The following PRKCA variants were observed in gnomAD, a reference collection of about 807,000 sequenced individuals.
PRKCA encodes protein kinase C alpha type.
A neutral mutation model predicts 87.0 loss-of-function variants in PRKCA; 27 were observed. The observed-to-expected ratio is 0.31, with a 90% CI of 0.23 to 0.43. The LOEUF (loss-of-function observed/expected upper bound fraction) is 0.43, where lower values mean the gene tolerates loss of function less well. PRKCA is among the 20% of genes least tolerant of loss of function. The pLI is 1.00. For missense variants in PRKCA, 518 were observed against 852.3 expected, an observed-to-expected ratio of 0.61 and a Z score of 4.88; for synonymous variants, 329 against 311.1, an observed-to-expected ratio of 1.06 and a Z score of -0.61.
chr17:66,708,539 G>A (rs561359254), intron 8 of PRKCA, among the ~76,000 whole-genome samples: 40 of 152,274 alleles, frequency 2.6e-4, no homozygotes, highest in African/African-American at 7.9e-4. Context: ...AGTGGCTGCC[G>A]GAAGGCTGTG....
intron 8 of PRKCA, among the ~76,000 whole-genome samples, chr17:66,711,901 A>G (rs963027593): frequency 1.3e-4 from 20 of 152,230 alleles, no homozygotes; most frequent in African/African-American, 4.8e-4. Context: ...ACCTAGAGAT[A>G]CTGGAAATGA....
intron 2 of PRKCA, among the ~76,000 whole-genome samples, chr17:66,319,447 G>A (rs564518539): frequency 8.4e-4 from 128 of 152,170 alleles, no homozygotes; most frequent in Admixed American, 2.0e-3. Flanking sequence ...TATGAAGCAC[G>A]TTATTAACTT....
intron 5 of PRKCA, among the ~76,000 whole-genome samples, chr17:66,660,721 C>T (rs1171286549): frequency 6.6e-6 from 1 of 151,904 alleles, no homozygotes; most frequent in African/African-American, 2.4e-5. Flanking sequence ...AAACCTGTCT[C>T]TACTAAAAAA....
At chr17:66,678,718 A>G (rs1567971637) in intron 5 of PRKCA, among the ~76,000 whole-genome samples, 1 of 151,108 alleles carries the variant, frequency 6.6e-6, no homozygotes, top group Non-Finnish European at 1.5e-5. Flanking sequence ...CGTAGTATGC[A>G]CACCACTGTC....
chr17:66,589,611 G>A (rs1488934386), intron 3 of PRKCA, among the ~76,000 whole-genome samples: 1 of 152,204 alleles, frequency 6.6e-6, no homozygotes, highest in Non-Finnish European at 1.5e-5. Context: ...CAGGGTGAAA[G>A]TTACACTGAT....
chr17:66,802,073 TAGTC>T (rs1391158153), intron 16 of PRKCA, among the ~76,000 whole-genome samples: 2 of 151,768 alleles, frequency 1.3e-5, no homozygotes, highest in Admixed American at 1.3e-4. Context: ...ATGCAAAAAA[TAGTC>T]AGGTGTGGTG....
chr17:66,360,624 C>T (rs1284722674), intron 2 of PRKCA, among the ~76,000 whole-genome samples: 3 of 152,098 alleles, frequency 2.0e-5, no homozygotes, highest in Admixed American at 1.3e-4. Context: ...ACAAGCTCTT[C>T]GATTTCAGGT....
At chr17:66,701,226 G>A (rs565184881) in intron 8 of PRKCA, among the ~76,000 whole-genome samples, 1 of 152,234 alleles carries the variant, frequency 6.6e-6, no homozygotes, top group South Asian at 2.1e-4. Flanking sequence ...AAGGTGTTGG[G>A]AAAACTGGAT....
Position 66,374,474 on chromosome 17 carries a change from G to A in PRKCA, c.205+68347G>A, listed in dbSNP as rs138060497. On this transcript the variant is annotated intron_variant, in intron 2 of 16. Transcript: ENST00000413366. ...GCTGCTTACAGGGCCTCATGCTGGC[G>A]TCACCATGGCATCAGCCCAGCCTAG... 1.9e-3 allele frequency among the ~76,000 whole-genome samples: 293 copies of A among 152,256 alleles called. 2 individuals carry two copies. The highest frequency in any genetic ancestry group is 6.2e-3 in the African/African-American group (258 of 41,552).
intron 2 of PRKCA, among the ~76,000 whole-genome samples, chr17:66,319,556 G>C (rs1315980538): frequency 2.6e-5 from 4 of 151,706 alleles, no homozygotes; most frequent in Non-Finnish European, 5.9e-5. Context: ...CTTATATGGA[G>C]ACTTTTTCTT....
At chr17:66,470,019 C>T (rs951686768) in intron 2 of PRKCA, among the ~76,000 whole-genome samples, 1 of 151,754 alleles carries the variant, frequency 6.6e-6, no homozygotes, top group Non-Finnish European at 1.5e-5. Flanking sequence ...AATATGTGTC[C>T]GTTGTGGCAT....
At chr17:66,603,261 C>G (rs1970107988) in intron 3 of PRKCA, among the ~76,000 whole-genome samples, 1 of 152,126 alleles carries the variant, frequency 6.6e-6, no homozygotes, top group Non-Finnish European at 1.5e-5. Context: ...GGCCCCCAGC[C>G]CTTTCCTGAA....
At chr17:66,413,547 C>T (rs1441998448) in intron 2 of PRKCA, among the ~76,000 whole-genome samples, 1 of 152,186 alleles carries the variant, frequency 6.6e-6, no homozygotes, top group African/African-American at 2.4e-5. Flanking sequence ...CAACCAGCCA[C>T]CTACGCATCA....
intron 2 of PRKCA, among the ~76,000 whole-genome samples, chr17:66,473,625 A>T (rs1915419492): frequency 6.6e-6 from 1 of 152,156 alleles, no homozygotes; most frequent in Non-Finnish European, 1.5e-5. Flanking sequence ...ACTATTAAGG[A>T]GTATAGTGTC....
At chr17:66,692,655 C>T (rs551488936) in intron 8 of PRKCA, among the ~76,000 whole-genome samples, 83 of 152,272 alleles carry the variant, frequency 5.5e-4, no homozygotes, top group African/African-American at 1.8e-3. Flanking sequence ...TCCTCCTTTT[C>T]GGTCTGTAGC....
At chr17:66,506,392 A>G (rs1216988620) in intron 3 of PRKCA, among the ~76,000 whole-genome samples, 2 of 152,276 alleles carry the variant, frequency 1.3e-5, no homozygotes, top group East Asian at 3.9e-4. Context: ...CTTAATGATC[A>G]TATTTACACA....
In PRKCA at chr17:66,476,323, C is replaced by T. The variant is rs556801453; in HGVS notation, c.206-19878C>T. On this transcript the variant is annotated intron_variant, in intron 2 of 16. Coordinates refer to ENST00000413366, the MANE Select transcript of PRKCA (RefSeq NM_002737.3). ...TTGAAGAGGAGATGGCGGGCCCAAG[C>T]TCTGCAAGCCTGGTGCTTGGGGGCA... Among the ~76,000 whole-genome samples, 5 of 152,326 alleles carry T rather than the reference C, an allele frequency of 3.3e-5. No homozygotes were observed. The East Asian group carries it at 9.6e-4, about 29-fold the overall frequency.
chr17:66,662,023 A>G (rs909897966), intron 5 of PRKCA, among the ~76,000 whole-genome samples: 2 of 152,242 alleles, frequency 1.3e-5, no homozygotes, highest in African/African-American at 4.8e-5. Context: ...AGTTGGCAGC[A>G]TGCTAACAAT....
rs140400644 is a variant in PRKCA at position 66,687,231 on chromosome 17, C to G, written c.650C>G (p.Ser217Cys). ...ESKQKTKTIR[S>C]TLNPQWNESF... ...AAGCAAAAAACCAAAACCATCCGCT[C>G]CACACTAAATCCGCAGTGGAATGAG... The change falls in exon 6 of 17, where the codon TCC (serine) becomes TGC (cysteine). Residue 217 changes from serine (S) to cysteine (C), a missense_variant. Around this residue, in one of 5 missense-constraint regions of PRKCA, gnomAD observed 300 missense variants for 496.8 expected, o/e 0.60. Transcript: ENST00000413366. The G allele has an allele frequency of 1.2e-6, 2 of 1,614,142 alleles. No homozygotes were observed. The highest frequency in any genetic ancestry group is 1.3e-5 in the African/African-American group (1 of 75,026).
Sources: allele counts gnomAD v4.1 joint callset (sites outside exome capture counted in the v4.1 genomes callset), GRCh38; gene constraint gnomAD v4.1.1; regional missense constraint gnomAD v4.1.1; transcripts MANE v1.5; gene names NCBI Gene and HGNC (gene_info 2026-07-23, HGNC 2026-07-21).